The following PBX1 variants were observed in gnomAD, a reference collection of about 807,000 sequenced individuals.
PBX1 encodes the protein pre-B-cell leukemia transcription factor 1.
In PBX1, 6 loss-of-function variants were observed where a neutral mutation model predicts 53.4. The ratio of observed to expected loss-of-function variants is 0.11; its 90% CI spans 0.06 to 0.22. PBX1 has a LOEUF of 0.22. Among genes scored for constraint, PBX1 ranks in the 10% least tolerant of loss-of-function variants. PBX1 has a pLI of 1.00. For synonymous variants in PBX1, 204 were observed against 212.3 expected (o/e 0.96, Z 0.34); for missense variants, 251 against 551.4 (o/e 0.46, Z 5.46).
chr1:164,706,256 G>A (rs1284514233), intron 2 of PBX1, among the ~76,000 whole-genome samples: 1 of 152,128 alleles, frequency 6.6e-6, no homozygotes, highest in African/African-American at 2.4e-5. Flanking sequence ...CTGTAGGCAG[G>A]GCAGAGGTTT....
At chr1:164,574,231 G>A (rs1370063330) in intron 2 of PBX1, among the ~76,000 whole-genome samples, 2 of 152,134 alleles carry the variant, frequency 1.3e-5, no homozygotes, top group Admixed American at 1.3e-4. Context: ...TGAGTGGGCC[G>A]AAGCAGTTCC....
intron 2 of PBX1, among the ~76,000 whole-genome samples, chr1:164,615,893 C>A (rs943322360): frequency 1.3e-5 from 2 of 152,074 alleles, no homozygotes; most frequent in Non-Finnish European, 2.9e-5. Flanking sequence ...ATTTGGCCTC[C>A]CTGGGTTGGA....
intron 2 of PBX1, among the ~76,000 whole-genome samples, chr1:164,737,900 C>T (rs563554432): frequency 2.0e-5 from 3 of 152,166 alleles, no homozygotes; most frequent in African/African-American, 4.8e-5. Flanking sequence ...CCACCTCCCC[C>T]CAACCGGTGC....
chr1:164,656,549 G>A (rs559694113), intron 2 of PBX1, among the ~76,000 whole-genome samples: 35 of 151,856 alleles, frequency 2.3e-4, no homozygotes, highest in Non-Finnish European at 4.6e-4. Flanking sequence ...TATTCCTTTC[G>A]TCTTAGACAA....
intron 2 of PBX1, among the ~76,000 whole-genome samples, chr1:164,746,685 G>T (rs140964184): frequency 6.6e-6 from 1 of 152,322 alleles, no homozygotes; most frequent in Non-Finnish European, 1.5e-5. Flanking sequence ...TGGGATTACA[G>T]CCATGAGCCA....
chr1:164,638,825 G>A (rs1658945987), intron 2 of PBX1, among the ~76,000 whole-genome samples: 1 of 152,192 alleles, frequency 6.6e-6, no homozygotes, highest in Non-Finnish European at 1.5e-5. Flanking sequence ...TCAGAGTGCC[G>A]GCCTTTACTG....
At chr1:164,570,521 C>T (rs1270759664) in intron 2 of PBX1, among the ~76,000 whole-genome samples, 1 of 152,144 alleles carries the variant, frequency 6.6e-6, no homozygotes, top group Non-Finnish European at 1.5e-5. Context: ...ATCCATGTCC[C>T]TGCAAAGAAC....
intron 2 of PBX1, among the ~76,000 whole-genome samples, chr1:164,628,019 G>T (rs1290353491): frequency 1.3e-5 from 2 of 152,310 alleles, no homozygotes; most frequent in African/African-American, 4.8e-5. Flanking sequence ...ACTGAGAAAA[G>T]TATGTTAATT....
chr1:164,786,721 G>GTGCGCA (rs1668210214), intron 2 of PBX1, among the ~76,000 whole-genome samples: 1 of 125,268 alleles, frequency 8.0e-6, no homozygotes, highest in Non-Finnish European at 1.6e-5. Context: ...GTGTGTGTGT[G>GTGCGCA]CGCGCGCACA....
At chr1:164,677,399 T>C (rs1328283561) in intron 2 of PBX1, among the ~76,000 whole-genome samples, 1 of 152,056 alleles carries the variant, frequency 6.6e-6, no homozygotes, top group African/African-American at 2.4e-5. Context: ...GCCTTACTGC[T>C]TGACATTTTA....
chr1:164,823,881 A>G (rs1670290098), intron 8 of PBX1, among the ~76,000 whole-genome samples: 1 of 152,054 alleles, frequency 6.6e-6, no homozygotes, highest in Non-Finnish European at 1.5e-5. Flanking sequence ...TTTTGATATC[A>G]GTTTTAAATT....
intron 2 of PBX1, among the ~76,000 whole-genome samples, chr1:164,757,096 T>C (rs1666568105): frequency 6.6e-6 from 1 of 152,084 alleles, no homozygotes; most frequent in African/African-American, 2.4e-5. Flanking sequence ...GCCTCCCATT[T>C]TTTTTTTGCA....
At chr1:164,616,632 A>G (rs181524183) in intron 2 of PBX1, among the ~76,000 whole-genome samples, 1 of 152,310 alleles carries the variant, frequency 6.6e-6, no homozygotes, top group East Asian at 1.9e-4. Context: ...GAAGGTTAAG[A>G]GGCATATTCT....
intron 8 of PBX1, among the ~76,000 whole-genome samples, chr1:164,844,516 A>G (rs1176651044): frequency 6.6e-6 from 1 of 152,220 alleles, no homozygotes; most frequent in African/African-American, 2.4e-5. Flanking sequence ...ATGTGTCATC[A>G]AAGCTGAATA....
rs1669062986 is a variant in PBX1 at position 164,801,422 on chromosome 1, G to A, written c.701+1533G>A. The stretch of plus-strand genomic sequence containing the variant: ...TGGTAACTCCCCTAGTTAAAATGCT[G>A]GAGTTGGTATTTATGTTGGCAGATA... On this transcript the variant is annotated intron_variant, in intron 4 of 8. Coordinates refer to ENST00000420696, the MANE Select transcript of PBX1 (RefSeq NM_002585.4). 2.0e-5 allele frequency among the ~76,000 whole-genome samples: 3 copies of A among 151,010 alleles called. No individual in the cohort carries two copies. In the South Asian group the frequency reaches 6.3e-4, roughly 32 times the overall value.
intron 8 of PBX1, among the ~76,000 whole-genome samples, chr1:164,836,080 A>T (rs1671025094): frequency 6.6e-6 from 1 of 152,188 alleles, no homozygotes; most frequent in African/African-American, 2.4e-5. Flanking sequence ...GGTTGAAGAG[A>T]TAATAGTTAC....
intron 2 of PBX1, among the ~76,000 whole-genome samples, chr1:164,721,255 T>A (rs2102106154): frequency 6.6e-6 from 1 of 152,348 alleles, no homozygotes; most frequent in South Asian, 2.1e-4. Context: ...AACAGGGGAC[T>A]CACTGCTTTT....
chr1:164,773,995 C>T (rs935411009), intron 2 of PBX1, among the ~76,000 whole-genome samples: 3 of 152,110 alleles, frequency 2.0e-5, no homozygotes, highest in African/African-American at 7.2e-5. Context: ...ATTCTTTGAT[C>T]TTTAAGAAAT....
chr1:164,683,144 G>C (rs545473906), intron 2 of PBX1: 38 of 152,310 alleles, frequency 2.5e-4, no homozygotes, highest in African/African-American at 8.4e-4. Flanking sequence ...TCCTGTATTT[G>C]CATGGCCCTG....
Sources: gnomAD v4.1 joint callset for allele counts (sites outside exome capture counted in the v4.1 genomes callset) on GRCh38, gnomAD v4.1.1 for gene constraint, MANE v1.5 for transcripts, NCBI Gene and HGNC (gene_info 2026-07-23, HGNC 2026-07-21) for gene names.